The following SDK2 variants were observed in gnomAD, a reference collection of about 807,000 sequenced individuals.
The protein encoded by SDK2 is sidekick cell adhesion molecule 2.
Under a neutral mutation model 253.9 loss-of-function variants are expected in SDK2, and 105 were observed. The observed-to-expected ratio is 0.41, with a 90% CI of 0.35 to 0.49. The LOEUF is 0.49. SDK2 is among the 20% of genes least tolerant of loss of function. The pLI is 0.06. For missense variants in SDK2, 2,608 were observed against 3,003.0 expected (o/e 0.87, Z 3.07); for synonymous variants, 1,249 against 1,234.9 (o/e 1.01, Z -0.24).
At chr17:73,359,852 G>C (rs900694616) in intron 39 of SDK2, among the ~76,000 whole-genome samples, 16 of 152,108 alleles carry the variant, frequency 1.1e-4, no homozygotes, top group Admixed American at 1.0e-3. Context: ...GTATTGCCCA[G>C]GCTGGTCTTG....
intron 3 of SDK2, among the ~76,000 whole-genome samples, chr17:73,462,156 T>C (rs2063567511): frequency 6.6e-6 from 1 of 152,144 alleles, no homozygotes; most frequent in Non-Finnish European, 1.5e-5. Context: ...TAGTTGTATG[T>C]ATGTTTACAT....
chr17:73,424,127 G>A, intron 12 of SDK2, 35 bp from the exon 13 acceptor site: 2 of 1,576,716 alleles, frequency 1.3e-6, no homozygotes, highest in East Asian at 2.3e-5. Flanking sequence ...TACAGAGGGA[G>A]AGGAAGGTAC....
chr17:73,417,350 G>T (rs2063190964), intron 16 of SDK2, among the ~76,000 whole-genome samples: 1 of 151,338 alleles, frequency 6.6e-6, no homozygotes, highest in Admixed American at 6.6e-5. Context: ...AGGTTGCAGT[G>T]AGCTGAGAGT....
chr17:73,436,841 T>G (rs1207854738), intron 8 of SDK2, among the ~76,000 whole-genome samples: 2 of 152,144 alleles, frequency 1.3e-5, no homozygotes, highest in East Asian at 3.8e-4. Flanking sequence ...TTCTTAGTGG[T>G]CCATAAAATA....
chr17:73,633,947 C>G (rs2046300202), intron 1 of SDK2, among the ~76,000 whole-genome samples: 1 of 152,052 alleles, frequency 6.6e-6, no homozygotes, highest in African/African-American at 2.4e-5. Context: ...TGGTGGAAGG[C>G]TGGCGTGGGG....
At chr17:73,557,753 G>T (rs1227413599) in intron 1 of SDK2, among the ~76,000 whole-genome samples, 1 of 151,832 alleles carries the variant, frequency 6.6e-6, no homozygotes, top group Non-Finnish European at 1.5e-5. Context: ...TCAATAGAGG[G>T]TAGAGAGAAC....
intron 40 of SDK2, chr17:73,357,224 T>C (rs2062599399): frequency 6.6e-6 from 1 of 152,352 alleles, no homozygotes; most frequent in Non-Finnish European, 1.5e-5. Context: ...GCTATTGGGA[T>C]GATTAGTGCC....
At chr17:73,427,823 C>T (rs1429974935) in intron 12 of SDK2, among the ~76,000 whole-genome samples, 1 of 152,068 alleles carries the variant, frequency 6.6e-6, no homozygotes, top group East Asian at 1.9e-4. Context: ...ACCCAAGGCA[C>T]AATCCATGAA....
chr17:73,613,790 G>C (rs1342074909), intron 1 of SDK2, among the ~76,000 whole-genome samples: 1 of 151,038 alleles, frequency 6.6e-6, no homozygotes, highest in Admixed American at 6.6e-5. Context: ...GCGATGAGGA[G>C]GGGGACAGGG....
Position 73,334,756 on chromosome 17 carries a change from T to A in SDK2, c.*3831A>T, listed in dbSNP as rs375144240. 1 of 152,224 alleles carries A rather than the reference T, an allele frequency of 6.6e-6. No homozygotes were observed. The highest frequency in any genetic ancestry group is 2.4e-5 in the African/African-American group (1 of 41,440). The allele number at this position is 152,224 out of a possible 1,614,324, so 9.4% of individuals were successfully genotyped here. On this transcript the variant is annotated 3_prime_UTR_variant, in exon 45 of 45. Transcript: ENST00000392650. ...GCTCAGGTGGTGGTCAGGATTGCCA[T>A]GTGCGCATGCCCATGGGTGTCCCTG...
chr17:73,628,342 T>G (rs2046228300), intron 1 of SDK2, among the ~76,000 whole-genome samples: 2 of 152,234 alleles, frequency 1.3e-5, no homozygotes, highest in Non-Finnish European at 2.9e-5. Context: ...CTGGGCAAGC[T>G]GCTGGGCTCT....
At chr17:73,448,586 G>C (rs748071273) in intron 4 of SDK2, among the ~76,000 whole-genome samples, 36 of 151,770 alleles carry the variant, frequency 2.4e-4, no homozygotes, top group East Asian at 3.9e-4. Context: ...GGATGGTCTC[G>C]ATCTCCTGAC....
rs2063722529 is a variant in SDK2 at position 73,481,368 on chromosome 17, G to A, written c.225-9150C>T. Among the ~76,000 whole-genome samples, 2 of 152,192 alleles carry A rather than the reference G, an allele frequency of 1.3e-5. No homozygotes were observed. The highest frequency in any genetic ancestry group is 1.3e-4 in the Admixed American group (2 of 15,288). ...ACAGGGAGGAACCCCTGACTCTGATGTGATGGTTAATTTTAGGTGTCAACT... is the reference window on the plus strand; with the variant it reads ...ACAGGGAGGAACCCCTGACTCTGATATGATGGTTAATTTTAGGTGTCAACT... On this transcript the variant is annotated intron_variant, in intron 2 of 44. Transcript: ENST00000392650. This position sits in a 1 kb window ranked among gnomAD's most constrained non-coding sequence, Gnocchi z 4.5.
At chr17:73,433,535 C>T (rs11652365) in intron 10 of SDK2, among the ~76,000 whole-genome samples, 197 bp downstream of exon 10, 34,923 of 152,110 alleles carry the variant, frequency 0.23, 4,864 homozygotes, top group Non-Finnish European at 0.3. Context: ...GTGATCTGCC[C>T]ACCTCAACCT....
intron 1 of SDK2, among the ~76,000 whole-genome samples, chr17:73,535,167 C>G (rs976787594): frequency 6.6e-5 from 10 of 152,226 alleles, no homozygotes; most frequent in African/African-American, 1.9e-4. Flanking sequence ...GTGAGGACAG[C>G]AGGGGGCTGC....
At chr17:73,489,079 T>C (rs1304251154) in intron 2 of SDK2, among the ~76,000 whole-genome samples, 1 of 152,182 alleles carries the variant, frequency 6.6e-6, no homozygotes, top group Non-Finnish European at 1.5e-5. Flanking sequence ...CACTGGGAAT[T>C]AGCAGTAATA....
intron 14 of SDK2, among the ~76,000 whole-genome samples, 152 bp from the exon 15 acceptor site, chr17:73,422,586 T>G (rs956185466): frequency 1.1e-4 from 17 of 152,178 alleles, no homozygotes; most frequent in African/African-American, 3.9e-4. Flanking sequence ...ATGCCATTTT[T>G]CTAGGTCCCA....
rs1351987754 is a variant in SDK2, at chr17:73,361,808, G to C, written c.5343C>G (p.Asn1781Lys). 6.2e-7 allele frequency: 1 copy of C among 1,607,162 alleles called. No homozygotes were observed. The highest frequency in any genetic ancestry group is 2.2e-5 in the East Asian group (1 of 44,638). The change falls in exon 39 of 45, where the codon AAC becomes AAG. Residue 1781 changes from asparagine (N) to lysine (K), a missense_variant. Transcript: ENST00000392650. The surrounding 1 kb of genome is among the most constrained non-coding windows in gnomAD (Gnocchi z 4.1). ...CCTTCACCTTCAGCCACAGGGGGCT[G>C]TTCCCCTTCACGTCCACGGTCACGA... ...SKIVTVDVKG[N>K]SPLWLKVKDL...
rs1312667054 is a variant in SDK2, at chr17:73,481,665, A to C, written c.225-9447T>G. On this transcript the variant is annotated intron_variant, in intron 2 of 44. Coordinates refer to ENST00000392650, the MANE Select transcript of SDK2 (RefSeq NM_001144952.2). The surrounding 1 kb of genome is among the most constrained non-coding windows in gnomAD (Gnocchi z 4.5). ...TCCACTGAGGGCTCGGATGGCACAA[A>C]AAGGCGGAGGGAGGAGGAATGTGCT... Among the ~76,000 whole-genome samples, 1 of 152,100 alleles carries C rather than the reference A, an allele frequency of 6.6e-6. No individual in the cohort carries two copies. Among genetic ancestry groups the C allele is most frequent in the Admixed American group, 6.5e-5 (1 of 15,268 alleles).
Sources: allele counts gnomAD v4.1 joint callset (sites outside exome capture counted in the v4.1 genomes callset), GRCh38; gene constraint gnomAD v4.1.1; non-coding constraint Gnocchi (gnomAD v3.1); transcripts MANE v1.5; gene names NCBI Gene and HGNC (gene_info 2026-07-23, HGNC 2026-07-21).